STAG1: variants seen among roughly 807,000 people sequenced by gnomAD.
The protein encoded by STAG1 is cohesin subunit SA-1.
Under a neutral mutation model 170.9 loss-of-function variants are expected in STAG1, and 26 were observed. The ratio of observed to expected loss-of-function variants is 0.15; its 90% CI spans 0.11 to 0.21. The LOEUF (loss-of-function observed/expected upper bound fraction) is 0.21, where lower values mean the gene tolerates loss of function less well. Ranked by LOEUF, STAG1 falls within the 10% of genes least tolerant of loss-of-function variation. The pLI is 1.00. For missense variants in STAG1, 964 were observed against 1,509.5 expected (o/e 0.64, Z 5.99); for synonymous variants, 514 against 497.7 (o/e 1.03, Z -0.44).
At chr3:136,718,049 C>T (rs1054242849) in intron 1 of STAG1, among the ~76,000 whole-genome samples, 1 of 152,168 alleles carries the variant, frequency 6.6e-6, no homozygotes, top group African/African-American at 2.4e-5. Context: ...TATACACACA[C>T]AGACTCGTGT....
chr3:136,589,628 CAAAAA>C (rs71626007), intron 4 of STAG1, among the ~76,000 whole-genome samples: 1 of 46,188 alleles, frequency 2.2e-5, no homozygotes, highest in Non-Finnish European at 4.8e-5. Context: ...CAAAGGGAGC[CAAAAA>C]AAAAAAAAAA....
Position 136,497,476 on chromosome 3 carries a change from T to C in STAG1, c.902+2747A>G, listed in dbSNP as rs779021845. Among the ~76,000 whole-genome samples the C allele has an allele frequency of 1.9e-4, 29 of 152,088 alleles. No homozygotes were observed. In the Middle Eastern group the frequency reaches 0.017, roughly 89 times the overall value. Reference sequence around the variant, plus strand: ...AAATAAAACAACACACTGATCTCAATAGATGCAGAAAAAGATTTGACAAAA... The same window carrying C: ...AAATAAAACAACACACTGATCTCAACAGATGCAGAAAAAGATTTGACAAAA... On this transcript the variant is annotated intron_variant, in intron 9 of 33. Transcript: ENST00000383202.
At chr3:136,515,443 T>C (rs1934320458) in intron 7 of STAG1, among the ~76,000 whole-genome samples, 1 of 152,204 alleles carries the variant, frequency 6.6e-6, no homozygotes, top group South Asian at 2.1e-4. Context: ...AATTATTTCA[T>C]CTATATGACT....
intron 3 of STAG1, among the ~76,000 whole-genome samples, chr3:136,607,610 C>T (rs1317448262): frequency 2.6e-5 from 4 of 152,098 alleles, no homozygotes; most frequent in Non-Finnish European, 5.9e-5. Flanking sequence ...ACCATGTTGG[C>T]CAGGCTGGTC....
At chr3:136,687,158 G>T (rs943277488) in intron 1 of STAG1, among the ~76,000 whole-genome samples, 1 of 152,144 alleles carries the variant, frequency 6.6e-6, no homozygotes, top group Admixed American at 6.6e-5. Flanking sequence ...AATTGACTGA[G>T]ACATTATGTT....
chr3:136,518,918 G>T (rs1048028771), intron 7 of STAG1, among the ~76,000 whole-genome samples: 5 of 151,986 alleles, frequency 3.3e-5, no homozygotes, highest in Admixed American at 3.3e-4. Context: ...GCAATGGGGG[G>T]AGGCAGGAGA....
intron 6 of STAG1, 107 bp from the exon 7 acceptor site, chr3:136,521,524 T>C (rs13092193): frequency 0.23 from 190,148 of 844,114 alleles, 22,807 homozygotes; most frequent in Middle Eastern, 0.29. Context: ...AAAGCAGTTA[T>C]AGAAAGAAAT....
At chr3:136,626,381 C>T (rs1222247702) in intron 2 of STAG1, among the ~76,000 whole-genome samples, 5 of 150,688 alleles carry the variant, frequency 3.3e-5, no homozygotes, top group Non-Finnish European at 7.4e-5. Context: ...GCCAAGATCA[C>T]GCCACTGCAC....
chr3:136,529,360 A>G (rs935602941), intron 6 of STAG1, among the ~76,000 whole-genome samples: 4 of 152,222 alleles, frequency 2.6e-5, no homozygotes, highest in African/African-American at 9.6e-5. Flanking sequence ...TTAACGTCAA[A>G]GACAGAGAGA....
chr3:136,363,267 C>G, intron 26 of STAG1, 99 bp downstream of exon 26: 1 of 610,788 alleles, frequency 1.6e-6, no homozygotes, highest in Non-Finnish European at 2.9e-6. Flanking sequence ...TATAAAATGA[C>G]CTAGTTTAAA....
chr3:136,501,035 C>T (rs957866636), intron 8 of STAG1, among the ~76,000 whole-genome samples: 1 of 152,020 alleles, frequency 6.6e-6, no homozygotes, highest in African/African-American at 2.4e-5. Context: ...TGAATGTTGA[C>T]AATAAAATTC....
chr3:136,564,162 T>G (rs1447605677), intron 5 of STAG1, among the ~76,000 whole-genome samples: 6 of 152,196 alleles, frequency 3.9e-5, no homozygotes, highest in Admixed American at 3.9e-4. Context: ...TTGGATTGTT[T>G]CCAATATTTT....
intron 25 of STAG1, among the ~76,000 whole-genome samples, chr3:136,364,606 G>A (rs928238965): frequency 6.6e-6 from 1 of 152,058 alleles, no homozygotes; most frequent in Non-Finnish European, 1.5e-5. Context: ...CCATCAACAT[G>A]TCTATATTTT....
chr3:136,736,696 C>T (rs756906596), intron 1 of STAG1: 3 of 1,603,832 alleles, frequency 1.9e-6, no homozygotes, highest in Non-Finnish European at 2.6e-6. Context: ...CGTTTCCTTT[C>T]AGCATCTCTT....
intron 9 of STAG1, among the ~76,000 whole-genome samples, chr3:136,488,236 C>A (rs917575580): frequency 2.6e-5 from 4 of 152,216 alleles, no homozygotes; most frequent in African/African-American, 9.6e-5. Flanking sequence ...GATTCTCCTG[C>A]CTCAGCCTCC....
intron 9 of STAG1, among the ~76,000 whole-genome samples, chr3:136,477,975 A>G (rs2089798188): frequency 6.6e-6 from 1 of 152,046 alleles, no homozygotes; most frequent in Non-Finnish European, 1.5e-5. Context: ...TTTTTAGTAG[A>G]GATGGGGTTT....
chr3:136,678,850 CAAAAAA>C (rs559610524), intron 1 of STAG1, among the ~76,000 whole-genome samples: 2 of 35,424 alleles, frequency 5.6e-5, no homozygotes, highest in Non-Finnish European at 1.2e-4. Context: ...CCCATGCTCA[CAAAAAA>C]AAAAAAAAAA....
intron 3 of STAG1, among the ~76,000 whole-genome samples, chr3:136,612,956 C>T (rs574096009): frequency 1.1e-3 from 162 of 152,166 alleles, no homozygotes; most frequent in Non-Finnish European, 1.8e-3. Context: ...TATGAAATTG[C>T]CAAACTGTCT....
chr3:136,344,652 C>T (rs995655901), intron 29 of STAG1, among the ~76,000 whole-genome samples: 28 of 152,068 alleles, frequency 1.8e-4, no homozygotes, highest in African/African-American at 5.1e-4. Context: ...CTCACTCTGT[C>T]GCCCGGGCTG....
Sources: gnomAD v4.1 joint callset for allele counts (sites outside exome capture counted in the v4.1 genomes callset) on GRCh38, gnomAD v4.1.1 for gene constraint, MANE v1.5 for transcripts, NCBI Gene and HGNC (gene_info 2026-07-23, HGNC 2026-07-21) for gene names.